Variants in DOCK1 observed in about 807,000 individuals in gnomAD.
The protein encoded by DOCK1 is dedicator of cytokinesis protein 1.
A neutral mutation model predicts 262.7 loss-of-function variants in DOCK1; 138 were observed. The observed-to-expected ratio is 0.53, with a 90% confidence interval of 0.46 to 0.61. The LOEUF (loss-of-function observed/expected upper bound fraction) is 0.61. DOCK1 is among the 20% of genes least tolerant of loss of function. The pLI, the probability that DOCK1 is intolerant of heterozygous loss-of-function variation, is 0.00. For missense variants in DOCK1, 1,908 were observed against 2,370.7 expected (o/e 0.80, Z 4.05); for synonymous variants, 866 against 867.4 (o/e 1.00, Z 0.03).
At chr10:127,228,226 G>T (rs2058712473) in intron 27 of DOCK1, among the ~76,000 whole-genome samples, 1 of 152,140 alleles carries the variant, frequency 6.6e-6, no homozygotes, top group South Asian at 2.1e-4. Flanking sequence ...ATGCTGTGGG[G>T]TGGTAGAGTG....
At chr10:127,220,672 G>T (rs958151425) in intron 27 of DOCK1, among the ~76,000 whole-genome samples, 1 of 151,946 alleles carries the variant, frequency 6.6e-6, no homozygotes, top group South Asian at 2.1e-4. Flanking sequence ...CCCCAGTCCA[G>T]TTCAGTAATA....
chr10:127,106,436 T>A (rs1411916583), intron 24 of DOCK1, 135 bp downstream of exon 24: 1 of 875,334 alleles, frequency 1.1e-6, no homozygotes, highest in East Asian at 2.8e-5. Context: ...CTGGAACATG[T>A]GTTGCTGGTG....
intron 32 of DOCK1, 140 bp from the exon 33 acceptor site, chr10:127,361,924 C>T: frequency 1.1e-6 from 1 of 930,536 alleles, no homozygotes; most frequent in East Asian, 2.7e-5. Context: ...TCATCATCTG[C>T]AGACGCGAAA....
At chr10:127,357,140 T>C (rs1244334157) in intron 32 of DOCK1, among the ~76,000 whole-genome samples, 6 of 152,158 alleles carry the variant, frequency 3.9e-5, no homozygotes, top group African/African-American at 1.4e-4. Context: ...TGTGCCAAGG[T>C]CATTGCCTAG....
intron 23 of DOCK1, among the ~76,000 whole-genome samples, chr10:127,076,457 C>A (rs765033156): frequency 6.6e-6 from 1 of 152,154 alleles, no homozygotes; most frequent in Non-Finnish European, 1.5e-5. Flanking sequence ...GCCAAGATCA[C>A]GCCACTGCAC....
At chr10:127,414,848 C>T (rs1565073856) in intron 43 of DOCK1, among the ~76,000 whole-genome samples, 1 of 152,238 alleles carries the variant, frequency 6.6e-6, no homozygotes, top group Non-Finnish European at 1.5e-5. Context: ...CCCCATACCT[C>T]ATTTTGGAGT....
At chr10:127,218,970 G>C (rs899824590) in intron 27 of DOCK1, among the ~76,000 whole-genome samples, 1 of 152,066 alleles carries the variant, frequency 6.6e-6, no homozygotes, top group Non-Finnish European at 1.5e-5. Flanking sequence ...GCCAACCTAG[G>C]GCTAAGTGAA....
At chr10:127,390,167 TA>T (rs1448211147) in intron 38 of DOCK1, among the ~76,000 whole-genome samples, 1 of 152,156 alleles carries the variant, frequency 6.6e-6, no homozygotes, top group Non-Finnish European at 1.5e-5. Context: ...GTGAGCTGAT[TA>T]AACCTCTTTT....
At position 127,280,033 on chromosome 10, in the gene DOCK1, T is replaced by TATAA. The variant is rs1297666883; in HGVS notation, c.3044+22605_3044+22606insTAAA. On this transcript the variant is annotated intron_variant, in intron 29 of 51. Transcript: ENST00000623213. ...TCATATATATATATATATATATATA[T>TATAA]AATTTTTTTTTTTTTTTTTGAGACG... Among the ~76,000 whole-genome samples the TATAA allele has an allele frequency of 2.9e-4, 31 of 107,274 alleles. No individual in the cohort carries two copies. The South Asian group carries it at 3.0e-3, about 10-fold the overall frequency. 70.4% of individuals were successfully genotyped at this position (107,274 alleles called of 152,430 possible). A position where few individuals can be genotyped will look rare whatever the true frequency, so the allele number is the denominator to read the frequency against.
chr10:127,435,308 C>T (rs72843727), intron 48 of DOCK1, among the ~76,000 whole-genome samples: 2 of 152,080 alleles, frequency 1.3e-5, no homozygotes, highest in African/African-American at 4.8e-5. Context: ...CCTATCAAAC[C>T]CACAGGCATC....
At chr10:127,177,406 T>C (rs918995933) in intron 27 of DOCK1, among the ~76,000 whole-genome samples, 1 of 152,212 alleles carries the variant, frequency 6.6e-6, no homozygotes, top group Non-Finnish European at 1.5e-5. Flanking sequence ...TTCACAGCTG[T>C]TTATTGCACA....
At chr10:127,396,502 C>T (rs1342151041) in intron 38 of DOCK1, among the ~76,000 whole-genome samples, 2 of 152,176 alleles carry the variant, frequency 1.3e-5, no homozygotes, top group Admixed American at 6.5e-5. Flanking sequence ...CCTCTTTCTA[C>T]AACACTCCGT....
chr10:126,919,457 C>T (rs1433212534), intron 1 of DOCK1, among the ~76,000 whole-genome samples: 3 of 152,120 alleles, frequency 2.0e-5, no homozygotes, highest in African/African-American at 7.2e-5. Context: ...CGTCCTGTTC[C>T]TCCAGGCACC....
chr10:126,949,049 C>T (rs925266504), intron 1 of DOCK1, among the ~76,000 whole-genome samples: 19 of 152,274 alleles, frequency 1.2e-4, no homozygotes, highest in African/African-American at 3.4e-4. Context: ...GGCCACCCTT[C>T]GGGATCCTGG....
At chr10:127,236,630 C>T (rs1341817177) in intron 27 of DOCK1, among the ~76,000 whole-genome samples, 1 of 147,610 alleles carries the variant, frequency 6.8e-6, no homozygotes, top group East Asian at 2.1e-4. Flanking sequence ...TAAGTCTTAA[C>T]CATATTGAGT....
At chr10:127,410,968 A>C in intron 43 of DOCK1, 44 bp downstream of exon 43, 7 of 1,584,256 alleles carry the variant, frequency 4.4e-6, no homozygotes, top group Non-Finnish European at 6.0e-6. Flanking sequence ...AAAAAATATC[A>C]TTCCGCCACC....
chr10:127,429,755 C>A (rs1313701886), intron 47 of DOCK1, among the ~76,000 whole-genome samples: 1 of 152,186 alleles, frequency 6.6e-6, no homozygotes, highest in Non-Finnish European at 1.5e-5. Flanking sequence ...TGCAGGGCCC[C>A]AGGGATGAGC....
At chr10:127,126,325 G>A (rs920620159) in intron 26 of DOCK1, among the ~76,000 whole-genome samples, 1 of 152,014 alleles carries the variant, frequency 6.6e-6, no homozygotes, top group African/African-American at 2.4e-5. Context: ...TCAAACTCCT[G>A]ACTTCGTGAT....
intron 29 of DOCK1, among the ~76,000 whole-genome samples, chr10:127,263,879 G>C (rs1306485761): frequency 1.3e-5 from 2 of 152,156 alleles, no homozygotes; most frequent in Non-Finnish European, 2.9e-5. Flanking sequence ...TGCTCCAGTA[G>C]GGTGCTTGAG....
Sources: allele counts gnomAD v4.1 joint callset (sites outside exome capture counted in the v4.1 genomes callset), GRCh38; gene constraint gnomAD v4.1.1; transcripts MANE v1.5; gene names NCBI Gene and HGNC (gene_info 2026-07-23, HGNC 2026-07-21).